Variants in RIMS2 observed in about 807,000 individuals in gnomAD.
RIMS2 encodes the protein regulating synaptic membrane exocytosis protein 2.
A neutral mutation model predicts 174.4 loss-of-function variants in RIMS2; 59 were observed. That is an observed-to-expected ratio of 0.34 (90% CI 0.27 to 0.42). The LOEUF is 0.42. RIMS2 is among the 10% of genes least tolerant of loss of function. The probability of loss-of-function intolerance (pLI) is 1.00; values close to 1 mark genes in which losing one functional copy is unlikely to be tolerated. For synonymous variants in RIMS2, 606 were observed against 572.5 expected (o/e 1.06, Z -0.84); for missense variants, 1,620 against 1,666.3 (o/e 0.97, Z 0.48).
At chr8:104,217,270 G>GT (rs1372017836) in intron 19 of RIMS2, among the ~76,000 whole-genome samples, 4 of 131,642 alleles carry the variant, frequency 3.0e-5, no homozygotes, top group East Asian at 2.1e-4. Context: ...TTGTTTTTTT[G>GT]TTTTTTTGTT....
At chr8:103,919,845 TCA>T (rs373396136) in intron 9 of RIMS2, among the ~76,000 whole-genome samples, 2 of 152,214 alleles carry the variant, frequency 1.3e-5, no homozygotes, top group African/African-American at 4.8e-5. Flanking sequence ...AATATCATGA[TCA>T]CATAAAACTC....
intron 19 of RIMS2, among the ~76,000 whole-genome samples, chr8:104,145,595 G>A (rs1440912643): frequency 1.3e-5 from 2 of 151,508 alleles, no homozygotes; most frequent in African/African-American, 4.9e-5. Flanking sequence ...GGAGACCAAG[G>A]CGGGAGCATC....
At chr8:103,742,162 A>T (rs1179254600) in intron 2 of RIMS2, among the ~76,000 whole-genome samples, 1 of 152,078 alleles carries the variant, frequency 6.6e-6, no homozygotes, top group East Asian at 1.9e-4. Context: ...ATTATCCATT[A>T]GTCTATTTCT....
chr8:104,091,563 T>C (rs2097658339), intron 19 of RIMS2, among the ~76,000 whole-genome samples: 1 of 150,708 alleles, frequency 6.6e-6, no homozygotes. Flanking sequence ...AGATCACATT[T>C]ACTTTCAATA....
At chr8:103,627,489 T>C (rs1222020524) in intron 1 of RIMS2, among the ~76,000 whole-genome samples, 2 of 152,146 alleles carry the variant, frequency 1.3e-5, no homozygotes, top group Admixed American at 6.5e-5. Context: ...ATTATAAGAG[T>C]ATTGATTGGG....
Position 103,930,283 on chromosome 8 carries a change from G to T in RIMS2, c.2245-980G>T, listed in dbSNP as rs956321180. The stretch of plus-strand genomic sequence containing the variant: ...CTCATACTCTAGGATATGAAGTGAG[G>T]GACTCGACAAAGCTATGTTGGAATT... On this transcript the variant is annotated intron_variant, in intron 11 of 23. Coordinates refer to ENST00000504942, the Ensembl canonical transcript of RIMS2. Among the ~76,000 whole-genome samples the T allele has an allele frequency of 7.2e-5, 11 of 152,126 alleles. No individual in the cohort carries two copies. The East Asian group carries it at 1.7e-3, about 24-fold the overall frequency.
At chr8:103,918,757 A>G (rs2077077179) in intron 9 of RIMS2, 2 of 319,708 alleles carry the variant, frequency 6.3e-6, no homozygotes, top group African/African-American at 4.2e-5. Flanking sequence ...CATATACTTA[A>G]AGTACACAAT....
At position 104,012,153 on chromosome 8, in the gene RIMS2, A is replaced by G. The variant is rs73699052; in HGVS notation, c.3045-1289A>G. On this transcript the variant is annotated intron_variant, in intron 17 of 23. Transcript: ENST00000504942. Reference sequence around the variant, plus strand: ...ATACTAAACTTAGAAAGTAAATCACATGATAGTATATGGACTTAAAAGTAT... The same window carrying G: ...ATACTAAACTTAGAAAGTAAATCACGTGATAGTATATGGACTTAAAAGTAT... Among the ~76,000 whole-genome samples the G allele has an allele frequency of 8.7e-3, 1,316 of 152,064 alleles. 13 individuals carry two copies. Among genetic ancestry groups the G allele is most frequent in the African/African-American group, 0.029 (1,210 of 41,552 alleles).
chr8:103,500,661 G>A (rs1819227006), upstream of RIMS2: 2 of 483,182 alleles, frequency 4.1e-6, no homozygotes, highest in Admixed American at 7.7e-5. Flanking sequence ...CCCCCGGGAA[G>A]AAGAAACATT....
intron 19 of RIMS2, among the ~76,000 whole-genome samples, chr8:104,207,325 A>G (rs2099085065): frequency 6.6e-6 from 1 of 152,220 alleles, no homozygotes; most frequent in Non-Finnish European, 1.5e-5. Context: ...TGACATTTAA[A>G]ATACATTTTA....
intron 19 of RIMS2, among the ~76,000 whole-genome samples, chr8:104,139,719 T>C (rs1314337027): frequency 6.6e-6 from 1 of 152,228 alleles, no homozygotes; most frequent in Non-Finnish European, 1.5e-5. Context: ...AAAGATAATT[T>C]GACTTCTTTC....
intron 19 of RIMS2, among the ~76,000 whole-genome samples, chr8:104,022,557 T>C (rs2096129847): frequency 6.6e-6 from 1 of 152,044 alleles, no homozygotes; most frequent in Non-Finnish European, 1.5e-5. Flanking sequence ...AAGTTTTCTA[T>C]TTCTAGTAAA....
chr8:103,757,497 T>C (rs1233400916), intron 2 of RIMS2, among the ~76,000 whole-genome samples: 2 of 152,186 alleles, frequency 1.3e-5, no homozygotes, highest in Non-Finnish European at 2.9e-5. Flanking sequence ...TTGGTTCACA[T>C]TTTTAAAACG....
At chr8:103,576,391 A>G (rs979685932) in intron 1 of RIMS2, among the ~76,000 whole-genome samples, 1 of 152,256 alleles carries the variant, frequency 6.6e-6, no homozygotes, top group African/African-American at 2.4e-5. Flanking sequence ...GTAAGACTGG[A>G]ATAAATAACT....
chr8:103,751,720 T>G (rs1448406369), intron 2 of RIMS2, among the ~76,000 whole-genome samples: 1 of 151,294 alleles, frequency 6.6e-6, no homozygotes, highest in Non-Finnish European at 1.5e-5. Flanking sequence ...TTTTTTCATG[T>G]GTTTTTTGGC....
chr8:104,102,949 T>C (rs186919788), intron 19 of RIMS2, among the ~76,000 whole-genome samples: 1 of 152,312 alleles, frequency 6.6e-6, no homozygotes, highest in Non-Finnish European at 1.5e-5. Flanking sequence ...AGTCAGTTTC[T>C]CTGAAGTAGT....
chr8:103,876,196 G>A (rs547282613), intron 3 of RIMS2, among the ~76,000 whole-genome samples: 2 of 151,914 alleles, frequency 1.3e-5, no homozygotes, highest in South Asian at 4.1e-4. Context: ...GTCCGGAAGA[G>A]TTTTTCCTAA....
chr8:103,838,855 G>A (rs1380036816), intron 3 of RIMS2, among the ~76,000 whole-genome samples: 2 of 152,166 alleles, frequency 1.3e-5, no homozygotes, highest in Non-Finnish European at 2.9e-5. Flanking sequence ...CACGAGGTCA[G>A]GAGATTGAGA....
At chr8:103,883,041 A>G (rs1179244686) in intron 3 of RIMS2, among the ~76,000 whole-genome samples, 1 of 151,664 alleles carries the variant, frequency 6.6e-6, no homozygotes, top group Non-Finnish European at 1.5e-5. Flanking sequence ...TGTGGTATCA[A>G]TATTGTAAAA....
Sources: gnomAD v4.1 joint callset for allele counts (sites outside exome capture counted in the v4.1 genomes callset) on GRCh38, gnomAD v4.1.1 for gene constraint, MANE v1.5 for transcripts, NCBI Gene and HGNC (gene_info 2026-07-23, HGNC 2026-07-21) for gene names.